ZFHX4: variants seen among roughly 807,000 people sequenced by gnomAD.
The protein encoded by ZFHX4 is zinc finger homeobox protein 4.
A neutral mutation model predicts 267.6 loss-of-function variants in ZFHX4; 56 were observed. The ratio of observed to expected loss-of-function variants is 0.21; its 90% CI spans 0.17 to 0.26. The LOEUF (loss-of-function observed/expected upper bound fraction) is 0.26, where lower values mean the gene tolerates loss of function less well. Ranked by LOEUF, ZFHX4 falls within the 10% of genes least tolerant of loss-of-function variation. The pLI, the probability that ZFHX4 is intolerant of heterozygous loss-of-function variation, is 1.00. For missense variants in ZFHX4, 4,332 were observed against 4,420.0 expected (o/e 0.98, Z 0.56); for synonymous variants, 1,778 against 1,665.6 (o/e 1.07, Z -1.64).
intron 3 of ZFHX4, among the ~76,000 whole-genome samples, chr8:76,719,506 C>G (rs978089534): frequency 2.6e-5 from 4 of 151,840 alleles, no homozygotes; most frequent in African/African-American, 9.7e-5. Flanking sequence ...TGTGGGAGGA[C>G]AGTAAGCCTT....
chr8:76,840,199 G>A (rs572691195), intron 5 of ZFHX4, among the ~76,000 whole-genome samples: 3 of 152,246 alleles, frequency 2.0e-5, no homozygotes, highest in African/African-American at 7.2e-5. Context: ...AAAAGAGAGA[G>A]GGGAAAAAAG....
At chr8:76,732,121 C>A (rs938935938) in intron 3 of ZFHX4, among the ~76,000 whole-genome samples, 5 of 151,966 alleles carry the variant, frequency 3.3e-5, no homozygotes, top group African/African-American at 7.3e-5. Context: ...GGATTACAGG[C>A]ATGAGCCACC....
At chr8:76,703,581 C>A (rs2131603120) in intron 1 of ZFHX4, 1 of 153,386 alleles carries the variant, frequency 6.5e-6, no homozygotes, top group Non-Finnish European at 1.5e-5. Context: ...CCCTCCCACA[C>A]TCATCTCCCC....
chr8:76,719,150 ATGTGTGTGTGTGTGTG>A (rs10589034), intron 3 of ZFHX4, among the ~76,000 whole-genome samples: 1,868 of 134,486 alleles, frequency 0.014, 17 homozygotes, highest in South Asian at 0.023. Context: ...GATGAATTGC[ATGTGTGTGTGTGTGTG>A]TGTGTGTGTG....
chr8:76,843,195 G>T (rs191118595), intron 6 of ZFHX4, among the ~76,000 whole-genome samples: 117 of 152,236 alleles, frequency 7.7e-4, no homozygotes, highest in Non-Finnish European at 1.3e-3. Flanking sequence ...GTATTCGCCC[G>T]CCAAACCACG....
At chr8:76,772,575 TCC>T (rs1810292292) in intron 3 of ZFHX4, among the ~76,000 whole-genome samples, 1 of 152,066 alleles carries the variant, frequency 6.6e-6, no homozygotes, top group Non-Finnish European at 1.5e-5. Flanking sequence ...GTATTTTGAC[TCC>T]CAGGAAGGCA....
At chr8:76,731,784 A>C (rs971670463) in intron 3 of ZFHX4, among the ~76,000 whole-genome samples, 2 of 151,634 alleles carry the variant, frequency 1.3e-5, no homozygotes, top group African/African-American at 2.4e-5. Flanking sequence ...GGACTTACTA[A>C]TTTTAGCTAG....
intron 3 of ZFHX4, among the ~76,000 whole-genome samples, chr8:76,729,354 T>C (rs373646307): frequency 6.6e-6 from 1 of 152,196 alleles, no homozygotes; most frequent in African/African-American, 2.4e-5. Flanking sequence ...ATGGTCCTGC[T>C]CGAATAATAT....
At chr8:76,741,142 G>A (rs556349387) in intron 3 of ZFHX4, among the ~76,000 whole-genome samples, 2 of 152,252 alleles carry the variant, frequency 1.3e-5, no homozygotes, top group East Asian at 1.9e-4. Flanking sequence ...AAACCTGCTA[G>A]GAGAAGATGA....
At chr8:76,857,354 T>TA (rs1812757581) in intron 10 of ZFHX4, among the ~76,000 whole-genome samples, 1 of 143,430 alleles carries the variant, frequency 7.0e-6, no homozygotes, top group Non-Finnish European at 1.5e-5. Context: ...TTCACTAATT[T>TA]TATATATATA....
chr8:76,694,992 G>T (rs929523676), intron 1 of ZFHX4, among the ~76,000 whole-genome samples: 26 of 151,896 alleles, frequency 1.7e-4, no homozygotes, highest in Non-Finnish European at 2.9e-4. Context: ...GCTGAAGGGG[G>T]CGAAAGGGCT....
At chr8:76,749,080 G>A (rs1050958900) in intron 3 of ZFHX4, among the ~76,000 whole-genome samples, 13 of 152,148 alleles carry the variant, frequency 8.5e-5, no homozygotes, top group Non-Finnish European at 1.5e-5. Flanking sequence ...GACTTTGTCT[G>A]GGATGAACTG....
intron 3 of ZFHX4, among the ~76,000 whole-genome samples, chr8:76,750,841 A>C (rs1809595277): frequency 6.6e-6 from 1 of 152,192 alleles, no homozygotes; most frequent in African/African-American, 2.4e-5. Context: ...CATCTAAACA[A>C]TTCTAAACTT....
Position 76,854,180 on chromosome 8 carries a change from C to T in ZFHX4, c.7259C>T (p.Pro2420Leu), listed in dbSNP as rs772449274. 10 of 1,580,274 alleles carry T rather than the reference C, an allele frequency of 6.3e-6. No homozygotes were observed. In the East Asian group the frequency reaches 2.1e-4, roughly 34 times the overall value. ...AEKPKQSDPS[P>L]PSQGTKPALP... ...AAGCCAAAGCAGAGTGACCCCTCTC[C>T]CCCTTCTCAAGGCACCAAACCAGCC... The change falls in exon 10 of 11, where the codon CCC becomes CTC. Residue 2420 changes from proline to leucine, a missense_variant. Around this residue, in one of 7 missense-constraint regions of ZFHX4, gnomAD observed 1,648 missense variants for 1,625.0 expected, o/e 1.01. Coordinates refer to ENST00000651372, the MANE Select transcript of ZFHX4 (RefSeq NM_024721.5).
At chr8:76,810,809 T>C (rs1361429078) in intron 4 of ZFHX4, among the ~76,000 whole-genome samples, 1 of 152,138 alleles carries the variant, frequency 6.6e-6, no homozygotes, top group Non-Finnish European at 1.5e-5. Flanking sequence ...TTAAAACTAA[T>C]ATTTTTTTTC....
At chr8:76,760,204 T>C (rs1270751372) in intron 3 of ZFHX4, among the ~76,000 whole-genome samples, 1 of 152,222 alleles carries the variant, frequency 6.6e-6, no homozygotes, top group African/African-American at 2.4e-5. Context: ...TCTAAGGATG[T>C]ACCTACCATT....
intron 4 of ZFHX4, among the ~76,000 whole-genome samples, chr8:76,824,877 T>C (rs1400269908): frequency 2.0e-5 from 3 of 152,200 alleles, no homozygotes; most frequent in African/African-American, 7.2e-5. Context: ...CTCACTATGA[T>C]TTTTGTAAAA....
intron 10 of ZFHX4, among the ~76,000 whole-genome samples, chr8:76,858,298 G>A (rs1812783053): frequency 6.6e-6 from 1 of 152,140 alleles, no homozygotes; most frequent in African/African-American, 2.4e-5. Flanking sequence ...CAAAAATACA[G>A]GCCCTATTTG....
At chr8:76,862,900 T>C (rs1812907587) in intron 10 of ZFHX4, among the ~76,000 whole-genome samples, 194 bp from the exon 11 acceptor site, 1 of 152,178 alleles carries the variant, frequency 6.6e-6, no homozygotes, top group Non-Finnish European at 1.5e-5. Flanking sequence ...TTAAAACTAA[T>C]ATAAGAAATA....
Sources: allele counts gnomAD v4.1 joint callset (sites outside exome capture counted in the v4.1 genomes callset), GRCh38; gene constraint gnomAD v4.1.1; regional missense constraint gnomAD v4.1.1; transcripts MANE v1.5; gene names NCBI Gene and HGNC (gene_info 2026-07-23, HGNC 2026-07-21).